The following RARB variants were observed in gnomAD, a reference collection of about 807,000 sequenced individuals.
RARB encodes HBV-activated protein.
In RARB, 17 loss-of-function variants were observed where a neutral mutation model predicts 51.9. The observed-to-expected ratio is 0.33, with a 90% confidence interval of 0.22 to 0.49. The LOEUF (loss-of-function observed/expected upper bound fraction) is 0.49. Ranked by LOEUF, RARB falls within the 20% of genes least tolerant of loss-of-function variation. RARB has a pLI of 0.99. For synonymous variants in RARB, 215 were observed against 195.4 expected (o/e 1.10, Z -0.84); for missense variants, 369 against 550.8 (o/e 0.67, Z 3.30).
intron 5 of RARB, among the ~76,000 whole-genome samples, chr3:25,188,761 TA>T (rs11297196): frequency 0.96 from 146,915 of 152,256 alleles, 70,896 homozygotes; most frequent in African/African-American, 0.98. Context: ...CCACAATAGA[TA>T]ATATGAGGTA....
chr3:25,178,889 C>T (rs1406638558), intron 5 of RARB, among the ~76,000 whole-genome samples: 1 of 152,168 alleles, frequency 6.6e-6, no homozygotes. Context: ...CTTTATGTTC[C>T]TTTCATGGCT....
chr3:25,439,695 G>A (rs901719988), intron 1 of RARB, among the ~76,000 whole-genome samples: 14 of 152,074 alleles, frequency 9.2e-5, no homozygotes, highest in Non-Finnish European at 1.8e-4. Flanking sequence ...ACTGTGTCCC[G>A]CTCAAATATG....
At chr3:25,195,765 A>T (rs956613667) in intron 5 of RARB, among the ~76,000 whole-genome samples, 2 of 152,086 alleles carry the variant, frequency 1.3e-5, no homozygotes, top group African/African-American at 4.8e-5. Context: ...TTCTATGTAG[A>T]AATTTTGTGA....
At chr3:25,197,806 A>T (rs763701966) in intron 5 of RARB, among the ~76,000 whole-genome samples, 5 of 152,200 alleles carry the variant, frequency 3.3e-5, no homozygotes, top group Admixed American at 3.3e-4. Context: ...AAGATATTCC[A>T]TGTTCATGGA....
At chr3:25,458,054 A>G (rs1212164166) in intron 1 of RARB, among the ~76,000 whole-genome samples, 1 of 152,170 alleles carries the variant, frequency 6.6e-6, no homozygotes, top group Non-Finnish European at 1.5e-5. Flanking sequence ...GGGAGTGTAA[A>G]TCTACACAAC....
intron 5 of RARB, among the ~76,000 whole-genome samples, chr3:25,183,684 A>T (rs148019280): frequency 6.6e-6 from 1 of 152,158 alleles, no homozygotes; most frequent in South Asian, 2.1e-4. Flanking sequence ...TCTCTTTAGG[A>T]TTTGTATACT....
chr3:25,569,838 T>C lies in RARB; in HGVS notation c.529T>C (p.Leu177=), dbSNP rs1337406679. ...CTESYEMTAE[L]DDLTEKIRKA... ...AGAGAGCTATGAAATGACAGCTGAG[T>C]TGGACGATCTCACAGAGAAGATCCG... Residue 177 remains leucine, a synonymous_variant, in exon 4 of 8, where the codon TTG becomes CTG. Coordinates refer to ENST00000330688, the MANE Select transcript of RARB (RefSeq NM_000965.5). 3.1e-6 allele frequency: 5 copies of C among 1,614,142 alleles called. No individual in the cohort carries two copies. Among genetic ancestry groups the C allele is most frequent in the Non-Finnish European group, 4.2e-6 (5 of 1,180,016 alleles).
chr3:25,367,533 C>G (rs776865634), intron 5 of RARB, among the ~76,000 whole-genome samples: 1 of 151,858 alleles, frequency 6.6e-6, no homozygotes, highest in Non-Finnish European at 1.5e-5. Context: ...TGTGGCTGTT[C>G]AGCCAGGCAT....
In RARB at chr3:25,299,774, A is replaced by AATAG. The variant is rs199850377; in HGVS notation, c.178+125202_178+125203insGATA. Among the ~76,000 whole-genome samples the AATAG allele has an allele frequency of 2.4e-3, 369 of 152,344 alleles. 1 individual carries two copies. Among genetic ancestry groups the AATAG allele is most frequent in the Admixed American group, 5.0e-3 (77 of 15,300 alleles). ...TGGCACCAAAAAAAATAAATAAATA[A>AATAG]ATAAATAAGTTCAGAGATTCTGCTG... On this transcript the variant is annotated intron_variant, in intron 5 of 11. Coordinates refer to the RARB transcript ENST00000383772.
At chr3:24,877,652 C>T (rs1044050764) in intron 2 of RARB, among the ~76,000 whole-genome samples, 2 of 152,020 alleles carry the variant, frequency 1.3e-5, no homozygotes, top group Admixed American at 1.3e-4. Flanking sequence ...AAGAGGGAGA[C>T]CTCCAAGTCT....
intron 5 of RARB, among the ~76,000 whole-genome samples, chr3:25,218,822 GCTGTAGAGCCAGGACTAACA>G (rs572591438): frequency 1.5e-3 from 222 of 152,274 alleles, no homozygotes; most frequent in African/African-American, 3.7e-3. Flanking sequence ...AGGCCTCAGA[GCTGTAGAGCCAGGACTAACA>G]CTCGACTTTG....
intron 5 of RARB, among the ~76,000 whole-genome samples, chr3:25,407,377 A>G (rs1018374430): frequency 6.6e-6 from 1 of 152,222 alleles, no homozygotes; most frequent in African/African-American, 2.4e-5. Context: ...TCATCATCAT[A>G]TTTAAGAATA....
intron 1 of RARB, among the ~76,000 whole-genome samples, chr3:25,434,149 C>T (rs1397287341): frequency 1.3e-5 from 2 of 152,160 alleles, no homozygotes; most frequent in Admixed American, 6.5e-5. Flanking sequence ...TCAGGGATTC[C>T]AGGAGTCTCT....
chr3:25,505,302 T>G (rs1697526497), intron 3 of RARB, among the ~76,000 whole-genome samples: 2 of 152,292 alleles, frequency 1.3e-5, no homozygotes, highest in African/African-American at 4.8e-5. Flanking sequence ...AACTGAAATA[T>G]ATACTGCGTG....
In RARB at chr3:25,447,467, T is replaced by G. The variant is rs374481849; in HGVS notation, c.158-13726T>G. On this transcript the variant is annotated intron_variant, in intron 1 of 7. Coordinates refer to ENST00000330688, the MANE Select transcript of RARB (RefSeq NM_000965.5). Reference sequence around the variant, plus strand: ...ATTCTAACTTCTTTATAAACCAGCATGTATCAAGGGGTCTGGTCCCTGGCA... The same window carrying G: ...ATTCTAACTTCTTTATAAACCAGCAGGTATCAAGGGGTCTGGTCCCTGGCA... 2.0e-5 allele frequency among the ~76,000 whole-genome samples: 3 copies of G among 152,232 alleles called. No homozygotes were observed. The East Asian group carries it at 5.8e-4, about 29-fold the overall frequency.
chr3:24,892,734 T>G (rs561830894), intron 2 of RARB, among the ~76,000 whole-genome samples: 1 of 152,362 alleles, frequency 6.6e-6, no homozygotes, highest in South Asian at 2.1e-4. Flanking sequence ...TCATTACCAC[T>G]GCATTTGTTC....
intron 5 of RARB, among the ~76,000 whole-genome samples, chr3:25,328,061 A>G (rs2125443332): frequency 6.6e-6 from 1 of 152,378 alleles, no homozygotes; most frequent in South Asian, 2.1e-4. Flanking sequence ...AATTATTAGC[A>G]ATACAAATTT....
intron 3 of RARB, among the ~76,000 whole-genome samples, chr3:25,078,271 G>C (rs1249484143): frequency 9.2e-5 from 14 of 151,978 alleles, no homozygotes; most frequent in Admixed American, 9.2e-4. Context: ...TTTATCTCGG[G>C]ATCTTTAATT....
chr3:24,915,952 A>T (rs141578006), intron 2 of RARB, among the ~76,000 whole-genome samples: 2 of 152,290 alleles, frequency 1.3e-5, no homozygotes, highest in Non-Finnish European at 2.9e-5. Flanking sequence ...CACAGGAGTC[A>T]GGGAGAGAGA....
Sources: allele counts gnomAD v4.1 joint callset (sites outside exome capture counted in the v4.1 genomes callset), GRCh38; gene constraint gnomAD v4.1.1; transcripts MANE v1.5; gene names NCBI Gene and HGNC (gene_info 2026-07-23, HGNC 2026-07-21).